The following MICAL2 variants were observed in gnomAD, a reference collection of about 807,000 sequenced individuals.
MICAL2 encodes [F-actin]-monooxygenase MICAL2.
A neutral mutation model predicts 127.3 loss-of-function variants in MICAL2; 77 were observed. That is an observed-to-expected ratio of 0.60 (90% confidence interval 0.50 to 0.73). The LOEUF (loss-of-function observed/expected upper bound fraction) is 0.73. Among genes scored for constraint, MICAL2 ranks in the 30% least tolerant of loss-of-function variants. The pLI is 0.00. For synonymous variants in MICAL2, 570 were observed against 551.1 expected (o/e 1.03, Z -0.48); for missense variants, 1,351 against 1,434.4 (o/e 0.94, Z 0.94).
chr11:12,205,021 G>T (rs1854506826), intron 4 of MICAL2, among the ~76,000 whole-genome samples: 1 of 152,090 alleles, frequency 6.6e-6, no homozygotes, highest in African/African-American at 2.4e-5. Context: ...AGAAATAATT[G>T]GATCCTTGTT....
At chr11:12,235,151 G>T (rs544825088) in intron 15 of MICAL2, among the ~76,000 whole-genome samples, 1 of 152,126 alleles carries the variant, frequency 6.6e-6, no homozygotes, top group South Asian at 2.1e-4. Context: ...AGCCTAGGTG[G>T]ACCCTAGCCC....
intron 25 of MICAL2, chr11:12,259,568 A>T: frequency 2.3e-6 from 1 of 432,924 alleles, no homozygotes; most frequent in East Asian, 3.4e-5. Context: ...GAGATTGCCG[A>T]TCAAAAGGCA....
intron 3 of MICAL2, among the ~76,000 whole-genome samples, chr11:12,165,698 G>C (rs886668576): frequency 3.9e-5 from 6 of 152,204 alleles, no homozygotes; most frequent in African/African-American, 1.4e-4. Context: ...TCCTGCCTCC[G>C]TGCCACCATA....
At chr11:12,249,117 A>G in intron 21 of MICAL2, 67 bp from the exon 22 acceptor site, 1 of 1,601,090 alleles carries the variant, frequency 6.2e-7, no homozygotes, top group South Asian at 1.1e-5. Context: ...CTCTTTCCCC[A>G]GTGGAAGAGA....
At chr11:12,183,280 T>C in intron 3 of MICAL2, among the ~76,000 whole-genome samples, 1 of 152,206 alleles carries the variant, frequency 6.6e-6, no homozygotes, top group East Asian at 1.9e-4. Flanking sequence ...ACCTGGGCCT[T>C]GGAATCATGC....
chr11:12,199,533 C>G (rs1045526008), intron 3 of MICAL2, among the ~76,000 whole-genome samples: 2 of 152,180 alleles, frequency 1.3e-5, no homozygotes, highest in Non-Finnish European at 2.9e-5. Flanking sequence ...CTCGGCATCT[C>G]CCTCTGGGGA....
chr11:12,167,828 G>A (rs1431532637), intron 3 of MICAL2, among the ~76,000 whole-genome samples: 1 of 152,158 alleles, frequency 6.6e-6, no homozygotes, highest in African/African-American at 2.4e-5. Flanking sequence ...AATGTGTGGG[G>A]TTTGCATGAG....
At position 12,349,206 on chromosome 11, in the gene MICAL2, G is replaced by A. The variant is rs17483470; in HGVS notation, c.5516-632G>A. Among the ~76,000 whole-genome samples the A allele has an allele frequency of 4.7e-3, 723 of 152,240 alleles. 17 individuals are homozygous for A. In the South Asian group the frequency reaches 0.055, roughly 12 times the overall value. ...TCTAAGAAGCAGTGCCAGTTTTCTC[G>A]TGATTCTTCTTCTGTTTAATAAAGG... On this transcript the variant is annotated intron_variant, in intron 32 of 34. Transcript: ENST00000646065.
chr11:12,345,511 C>G lies in MICAL2; in HGVS notation c.5516-4327C>G, dbSNP rs552363588. Among the ~76,000 whole-genome samples, 25 of 152,308 alleles carry G rather than the reference C, an allele frequency of 1.6e-4. 1 individual carries two copies. In the South Asian group the frequency reaches 4.8e-3, roughly 29 times the overall value. The stretch of plus-strand genomic sequence containing the variant: ...AATATCACATAAATGTACAGGATGC[C>G]CATTTATCAGTTCTGCAGAAATCTC... On this transcript the variant is annotated intron_variant, in intron 32 of 34. Coordinates refer to the MICAL2 transcript ENST00000646065.
At chr11:12,327,552 C>T (rs570214202) in intron 32 of MICAL2, among the ~76,000 whole-genome samples, 6 of 152,368 alleles carry the variant, frequency 3.9e-5, no homozygotes, top group South Asian at 4.1e-4. Flanking sequence ...CACCTCTCCA[C>T]TGGCTAACAC....
intron 2 of MICAL2, 167 bp from the exon 3 acceptor site, chr11:12,161,912 G>C (rs1206566563): frequency 3.6e-6 from 2 of 558,716 alleles, no homozygotes; most frequent in Non-Finnish European, 6.3e-6. Flanking sequence ...CAGGCCAAAA[G>C]GCACAATTCT....
intron 6 of MICAL2, among the ~76,000 whole-genome samples, chr11:12,210,970 C>G (rs910790872): frequency 6.6e-6 from 1 of 152,150 alleles, no homozygotes; most frequent in African/African-American, 2.4e-5. Flanking sequence ...CCAAGTGGCC[C>G]CTGGGAACAA....
chr11:12,338,569 G>T (rs1207056574), intron 32 of MICAL2, among the ~76,000 whole-genome samples: 1 of 152,122 alleles, frequency 6.6e-6, no homozygotes, highest in African/African-American at 2.4e-5. Context: ...TTACAATTTG[G>T]CATGTTTTTG....
At chr11:12,157,450 G>A (rs1590111535) in intron 2 of MICAL2, among the ~76,000 whole-genome samples, 1 of 152,166 alleles carries the variant, frequency 6.6e-6, no homozygotes, top group Non-Finnish European at 1.5e-5. Context: ...GACTCATGAA[G>A]TCACATAGGC....
chr11:12,329,666 G>A (rs570884868), intron 32 of MICAL2, among the ~76,000 whole-genome samples: 1 of 152,198 alleles, frequency 6.6e-6, no homozygotes, highest in South Asian at 2.1e-4. Flanking sequence ...AGTGTTGATA[G>A]GCAAAGTCTC....
chr11:12,273,236 G>A (rs1006280156), upstream of MICAL2, among the ~76,000 whole-genome samples: 8 of 152,286 alleles, frequency 5.3e-5, no homozygotes, highest in African/African-American at 1.4e-4. Flanking sequence ...TAATAACAAC[G>A]CTTTTCTGAG....
At chr11:12,326,365 T>C (rs1031331717) in intron 31 of MICAL2, among the ~76,000 whole-genome samples, 4 of 152,212 alleles carry the variant, frequency 2.6e-5, no homozygotes, top group Admixed American at 1.3e-4. Flanking sequence ...AAAATTTATA[T>C]AGGAATGGCT....
chr11:12,261,003 C>T, intron 26 of MICAL2: 1 of 985,538 alleles, frequency 1.0e-6, no homozygotes, highest in Non-Finnish European at 1.2e-6. Flanking sequence ...CAACTGATGG[C>T]ATTTTAGCCC....
At position 12,236,285 on chromosome 11, in the gene MICAL2, C is replaced by T. The variant is rs377121351; in HGVS notation, c.2064+40C>T. The T allele has an allele frequency of 1.1e-3, 1,810 of 1,592,738 alleles. 7 individuals carry two copies. In the Middle Eastern group the frequency reaches 0.016, roughly 14 times the overall value. On this transcript the variant is annotated intron_variant, in intron 16 of 27. Coordinates refer to ENST00000683283, the MANE Select transcript of MICAL2 (RefSeq NM_001282663.2). ...TGTGGCTTTAAACAGAGGCTCGTTTCCTGACAACCAGTGGCCACAGGCAGC... is the reference window on the plus strand; with the variant it reads ...TGTGGCTTTAAACAGAGGCTCGTTTTCTGACAACCAGTGGCCACAGGCAGC...
Sources: gnomAD v4.1 joint callset for allele counts (sites outside exome capture counted in the v4.1 genomes callset) on GRCh38, gnomAD v4.1.1 for gene constraint, MANE v1.5 for transcripts, NCBI Gene and HGNC (gene_info 2026-07-23, HGNC 2026-07-21) for gene names.